Variants in NEB observed in about 807,000 individuals in gnomAD.
NEB encodes nebulin.
In NEB, 512 loss-of-function variants were observed where a neutral mutation model predicts 952.2. The observed-to-expected ratio is 0.54, with a 90% CI of 0.50 to 0.58. The LOEUF (loss-of-function observed/expected upper bound fraction) is 0.58, where lower values mean the gene tolerates loss of function less well. Among genes scored for constraint, NEB ranks in the 20% least tolerant of loss-of-function variants. NEB has a pLI of 0.00. For synonymous variants in NEB, 2,900 were observed against 3,149.8 expected (o/e 0.92, Z 2.66); for missense variants, 8,428 against 9,231.1 (o/e 0.91, Z 3.56).
rs1321790915 is a variant in NEB at position 151,614,468 on chromosome 2, C to T, written c.11409G>A (p.Glu3803=). The T allele has an allele frequency of 1.2e-6, 2 of 1,613,910 alleles. No homozygotes were observed. Among genetic ancestry groups the T allele is most frequent in the Non-Finnish European group, 1.7e-6 (2 of 1,179,850 alleles). ...TCCACTTCTCAAACTCCTTCTTGTA[C>T]TCCCTGTCACTCTGGATCTTGGCCA... is the stretch of plus-strand genomic sequence containing the variant. The part of the protein sequence containing the change: ...IHVAKIQSDR[E]YKKEFEKWKT... The change falls in exon 77 of 182, where the codon GAG becomes GAA. Residue 3803 remains glutamate (E), a synonymous_variant. Coordinates refer to ENST00000397345, the MANE Select transcript of NEB (RefSeq NM_001164508.2).
chr2:151,592,398 A>G (rs2153881022), intron 94 of NEB, among the ~76,000 whole-genome samples: 1 of 118,530 alleles, frequency 8.4e-6, no homozygotes, highest in South Asian at 3.2e-4. Context: ...CGTAGATTAT[A>G]CATAGCATAA....
At chr2:151,526,823 G>T in intron 148 of NEB, 95 bp downstream of exon 148, 1 of 918,258 alleles carries the variant, frequency 1.1e-6, no homozygotes, top group Non-Finnish European at 1.7e-6. Context: ...GATGGAAGCA[G>T]CTCTTCTCCA....
intron 128 of NEB, among the ~76,000 whole-genome samples, chr2:151,552,470 A>T (rs1166321848): frequency 6.6e-6 from 1 of 152,110 alleles, no homozygotes; most frequent in Non-Finnish European, 1.5e-5. Flanking sequence ...ATCACCTACA[A>T]CTCCGCCCCA....
chr2:151,508,726 G>GAGCACTACTAAGCCAGCTAAGTCAGCT (rs1230538313), intron 161 of NEB, among the ~76,000 whole-genome samples: 3 of 152,192 alleles, frequency 2.0e-5, no homozygotes, highest in African/African-American at 7.2e-5. Context: ...GACACACCTG[G>GAGCACTACTAAGCCAGCTAAGTCAGCT]AGCACTACTA....
intron 168 of NEB, among the ~76,000 whole-genome samples, chr2:151,500,593 C>CTT (rs11428843): frequency 0.026 from 3,035 of 118,394 alleles, 103 homozygotes; most frequent in Non-Finnish European, 0.039. Context: ...TTCTTTCTTC[C>CTT]TTTTTTTTTT....
chr2:151,719,724 C>T (rs1326765006), intron 9 of NEB, among the ~76,000 whole-genome samples: 1 of 151,880 alleles, frequency 6.6e-6, no homozygotes, highest in Non-Finnish European at 1.5e-5. Context: ...ACCAAAAATA[C>T]AAAAATTAGC....
chr2:151,718,132 C>T (rs145934092), intron 9 of NEB, among the ~76,000 whole-genome samples: 8,042 of 152,228 alleles, frequency 0.053, 308 homozygotes, highest in Non-Finnish European at 0.08. Context: ...GGATTACAGG[C>T]GTGAGCCACC....
chr2:151,504,507 C>A (rs534335738), intron 165 of NEB, among the ~76,000 whole-genome samples: 1 of 152,102 alleles, frequency 6.6e-6, no homozygotes, highest in Non-Finnish European at 1.5e-5. Flanking sequence ...GAAATCTGTA[C>A]CACAGAGTAT....
At chr2:151,644,208 A>G in intron 56 of NEB, 79 bp from the exon 57 acceptor site, 1 of 1,530,350 alleles carries the variant, frequency 6.5e-7, no homozygotes, top group Non-Finnish European at 8.9e-7. Context: ...AAAGCGCATT[A>G]ACTCTAAATA....
At chr2:151,633,409 C>A (rs2098705701) in intron 65 of NEB, among the ~76,000 whole-genome samples, 1 of 152,046 alleles carries the variant, frequency 6.6e-6, no homozygotes, top group Non-Finnish European at 1.5e-5. Flanking sequence ...CTCTAGTGGA[C>A]CCTGAATTCT....
intron 17 of NEB, among the ~76,000 whole-genome samples, chr2:151,696,033 C>A (rs1373483973): frequency 6.6e-6 from 1 of 152,206 alleles, no homozygotes; most frequent in Non-Finnish European, 1.5e-5. Context: ...GATTAAGAGT[C>A]CTCTCACAGA....
Position 151,529,264 on chromosome 2 carries a change from C to T in NEB, c.21681G>A (p.Glu7227=), listed in dbSNP as rs538609404. ...CTGCTTTGATATGAACAGCATCTGGCTCAATGGTGCAGTTGGATTTATTTC... is the reference window on the plus strand; with the variant it reads ...CTGCTTTGATATGAACAGCATCTGGTTCAATGGTGCAGTTGGATTTATTTC... The part of the protein sequence containing the change: ...YQRNKSNCTI[E]PDAVHIKAAK... Residue 7227 remains glutamate, a synonymous_variant, in exon 146 of 182, where the codon GAG becomes GAA. Coordinates refer to ENST00000397345, the MANE Select transcript of NEB (RefSeq NM_001164508.2). 6.2e-7 allele frequency: 1 copy of T among 1,613,686 alleles called. No homozygotes were observed. The highest frequency in any genetic ancestry group is 1.3e-5 in the African/African-American group (1 of 75,028).
intron 42 of NEB, 144 bp from the exon 43 acceptor site, chr2:151,665,007 G>T: frequency 1.4e-6 from 1 of 697,496 alleles, no homozygotes; most frequent in South Asian, 2.1e-5. Flanking sequence ...GATGGGCCAA[G>T]TAAACTAAAT....
Position 151,518,716 on chromosome 2 carries a change from G to A in NEB, c.22695+249C>T, listed in dbSNP as rs570511034. Among the ~76,000 whole-genome samples, 4 of 152,274 alleles carry A rather than the reference G, an allele frequency of 2.6e-5. No individual in the cohort carries two copies. The East Asian group carries it at 7.7e-4, about 29-fold the overall frequency. On this transcript the variant is annotated intron_variant, in intron 155 of 181. Coordinates refer to ENST00000397345, the MANE Select transcript of NEB (RefSeq NM_001164508.2). ...TATTTCTATGTCCTTAGAGAAAAGGGAATGGTTAATTGGAGGGCAAAGTTT... is the reference window on the plus strand; with the variant it reads ...TATTTCTATGTCCTTAGAGAAAAGGAAATGGTTAATTGGAGGGCAAAGTTT...
Position 151,600,606 on chromosome 2 carries a change from C to G in NEB, c.13624G>C (p.Ala4542Pro). 1.1e-4 allele frequency: 2 copies of G among 17,496 alleles called. No individual in the cohort carries two copies. Among genetic ancestry groups the G allele is most frequent in the Non-Finnish European group, 2.1e-4 (2 of 9,658 alleles). 1.1% of individuals were successfully genotyped at this position (17,496 alleles called of 1,614,324 possible). ...LYKKAYNDHK[A>P]KISIPVDMVS... Reference sequence around the variant, plus strand: ...ATGTCCACAGGGATGGAGATCTTGGCTTTGTGGTCGTTGTAGGCCTTTTTG... The same window carrying G: ...ATGTCCACAGGGATGGAGATCTTGGGTTTGTGGTCGTTGTAGGCCTTTTTG... Residue 4542 changes from alanine (A) to proline (P), a missense_variant, in exon 89 of 182, where the codon GCC becomes CCC. Coordinates refer to ENST00000397345, the MANE Select transcript of NEB (RefSeq NM_001164508.2).
At chr2:151,613,512 G>A (rs577188214) in intron 77 of NEB, among the ~76,000 whole-genome samples, 289 of 152,230 alleles carry the variant, frequency 1.9e-3, no homozygotes, top group Non-Finnish European at 3.2e-3. Flanking sequence ...GTAAGTATAA[G>A]CAATATATTA....
intron 64 of NEB, among the ~76,000 whole-genome samples, chr2:151,635,629 C>T (rs1414471764): frequency 6.6e-6 from 1 of 151,122 alleles, no homozygotes; most frequent in Non-Finnish European, 1.5e-5. Context: ...TCGCTTGACC[C>T]CAGGGGGCAG....
At chr2:151,679,672 A>ACCCCCC in intron 32 of NEB, 49 bp downstream of exon 32, 1 of 335,294 alleles carries the variant, frequency 3.0e-6, no homozygotes, top group South Asian at 2.5e-5. Flanking sequence ...CCCCAAGCCC[A>ACCCCCC]CCCACCCACA....
rs1229421352 is a variant in NEB at position 151,531,034 on chromosome 2, A to G, written c.21590T>C (p.Met7197Thr). 1.9e-6 allele frequency: 3 copies of G among 1,613,492 alleles called. No homozygotes were observed. Among genetic ancestry groups the G allele is most frequent in the Non-Finnish European group, 1.7e-6 (2 of 1,179,668 alleles). The change falls in exon 145 of 182, where the codon ATG becomes ACG. Residue 7197 changes from methionine to threonine, a missense_variant. By Grantham distance (81) the Met-to-Thr change is moderately conservative. Around this residue, in one of 11 missense-constraint regions of NEB, gnomAD observed 3,374 missense variants for 3,651.5 expected, o/e 0.92. Coordinates refer to ENST00000397345, the MANE Select transcript of NEB (RefSeq NM_001164508.2). The part of the protein sequence containing the change: ...RGYTTIHDTP[M>T]LLHVRKVKDE... ...TTTAACCTTGCGGACATGCAGCAAC[A>G]TGGGTGTGTCGTGGATTGTGGTGTA...
Sources: allele counts gnomAD v4.1 joint callset (sites outside exome capture counted in the v4.1 genomes callset), GRCh38; gene constraint gnomAD v4.1.1; regional missense constraint gnomAD v4.1.1; transcripts MANE v1.5; gene names NCBI Gene and HGNC (gene_info 2026-07-23, HGNC 2026-07-21).